Variants in TCF20 observed in about 807,000 individuals in gnomAD.
The protein encoded by TCF20 is transcription factor 20, also known as SPRE-binding protein.
In TCF20, 3 loss-of-function variants were observed where a neutral mutation model predicts 148.6. The ratio of observed to expected loss-of-function variants is 0.02; its 90% confidence interval spans 0.01 to 0.05. The LOEUF is 0.05. TCF20 is among the 10% of genes least tolerant of loss of function. TCF20 has a pLI of 1.00. For synonymous variants in TCF20, 1,049 were observed against 909.5 expected (o/e 1.15, Z -2.76); for missense variants, 2,350 against 2,429.3 (o/e 0.97, Z 0.69).
chr22:42,282,791 G>A (rs1329450728), intron 1 of TCF20, among the ~76,000 whole-genome samples: 2 of 152,200 alleles, frequency 1.3e-5, no homozygotes, highest in Non-Finnish European at 2.9e-5. Context: ...TGCCTGGGAG[G>A]AGGGGGCCGG....
intron 1 of TCF20, among the ~76,000 whole-genome samples, chr22:42,282,566 G>A (rs1278105180): frequency 1.3e-5 from 2 of 152,216 alleles, no homozygotes; most frequent in South Asian, 2.1e-4. Context: ...TCCCAGCCTC[G>A]GTCCCAGGTT....
chr22:42,205,319 A>C (rs1294558466), intron 2 of TCF20, among the ~76,000 whole-genome samples: 1 of 152,222 alleles, frequency 6.6e-6, no homozygotes, highest in African/African-American at 2.4e-5. Context: ...GAAGGGAAGT[A>C]AACACCATTT....
chr22:42,304,671 A>G (rs1204271728), intron 1 of TCF20, among the ~76,000 whole-genome samples: 2 of 152,152 alleles, frequency 1.3e-5, no homozygotes, highest in Admixed American at 6.5e-5. Context: ...GAATCATGTA[A>G]TTCCATAGCT....
At chr22:42,184,853 T>C (rs1290018916) in intron 2 of TCF20, among the ~76,000 whole-genome samples, 1 of 152,236 alleles carries the variant, frequency 6.6e-6, no homozygotes, top group Non-Finnish European at 1.5e-5. Flanking sequence ...AAATAAATTA[T>C]AAAAGGTATT....
At chr22:42,315,399 G>A (rs1256520127) in intron 1 of TCF20, among the ~76,000 whole-genome samples, 1 of 152,234 alleles carries the variant, frequency 6.6e-6, no homozygotes, top group Admixed American at 6.5e-5. Flanking sequence ...AGGACAGGCA[G>A]CTTGAAGCTG....
At chr22:42,260,987 A>AAT (rs533469381) in intron 1 of TCF20, among the ~76,000 whole-genome samples, 111 of 152,294 alleles carry the variant, frequency 7.3e-4, no homozygotes, top group African/African-American at 2.6e-3. Context: ...CTATACTCTA[A>AAT]AAAGTTCCCT....
At chr22:42,199,706 CAAAAAAAAAAAAAAAAAA>C (rs59845847) in intron 2 of TCF20, among the ~76,000 whole-genome samples, 1 of 33,872 alleles carries the variant, frequency 3.0e-5, no homozygotes, top group African/African-American at 1.0e-4. Context: ...CCCATCTCTA[CAAAAAAAAAAAAAAAAAA>C]AAAAAAAAAA....
At chr22:42,242,218 A>C (rs12168087) in intron 1 of TCF20, among the ~76,000 whole-genome samples, 59 of 142,676 alleles carry the variant, frequency 4.1e-4, no homozygotes, top group Middle Eastern at 7.2e-3. Flanking sequence ...AAAAAAAAAA[A>C]AAAAAAAAAC....
chr22:42,219,741 A>G (rs1320485708), intron 1 of TCF20, among the ~76,000 whole-genome samples: 5 of 152,104 alleles, frequency 3.3e-5, no homozygotes, highest in African/African-American at 1.2e-4. Flanking sequence ...CTGTAGTCCC[A>G]GCACCTCGGG....
Position 42,329,884 on chromosome 22 carries a change from C to G in TCF20, c.-37+13595G>C, listed in dbSNP as rs1408314110. 2.0e-5 allele frequency among the ~76,000 whole-genome samples: 3 copies of G among 152,090 alleles called. No individual in the cohort carries two copies. In the South Asian group the frequency reaches 6.2e-4, roughly 31 times the overall value. On this transcript the variant is annotated intron_variant, in intron 1 of 1. Transcript: ENST00000515426. ...GTGTGGCCCCCGAAATGGCTGTGGG[C>G]TCAGTGGGAGGTGGAGGGAGTATGA...
intron 1 of TCF20, among the ~76,000 whole-genome samples, chr22:42,266,927 G>A (rs569445492): frequency 2.6e-5 from 4 of 152,162 alleles, no homozygotes; most frequent in African/African-American, 7.2e-5. Context: ...TTTTTCCCTT[G>A]TAAGTTTTAT....
chr22:42,186,383 C>A (rs148899587), intron 2 of TCF20, among the ~76,000 whole-genome samples: 1 of 152,208 alleles, frequency 6.6e-6, no homozygotes, highest in African/African-American at 2.4e-5. Flanking sequence ...AAGTGTTTTA[C>A]AAACTAGAAA....
chr22:42,246,899 G>T lies in TCF20; in HGVS notation c.-37+23440C>A, dbSNP rs199558978. On this transcript the variant is annotated intron_variant, in intron 1 of 5. Coordinates refer to ENST00000677622, the MANE Select transcript of TCF20 (RefSeq NM_001378418.1). ...GAGAACTGCTTGAACCTGGGAAGCA[G>T]GGGTTGCAGTGAGCCGAGATTGCGC... Among the ~76,000 whole-genome samples, 32 of 151,700 alleles carry T rather than the reference G, an allele frequency of 2.1e-4. No individual in the cohort carries two copies. In the East Asian group the frequency reaches 5.2e-3, roughly 25 times the overall value.
At chr22:42,182,573 A>G (rs1936832489) in intron 2 of TCF20, among the ~76,000 whole-genome samples, 1 of 152,180 alleles carries the variant, frequency 6.6e-6, no homozygotes, top group African/African-American at 2.4e-5. Flanking sequence ...AAACTCCACT[A>G]TGATTAATTT....
intron 1 of TCF20, among the ~76,000 whole-genome samples, chr22:42,322,840 C>T (rs1038805155): frequency 2.7e-5 from 4 of 150,732 alleles, no homozygotes; most frequent in Admixed American, 1.3e-4. Flanking sequence ...TGGGGAGGCT[C>T]GCCATCCCCA....
rs529961537 is a variant in TCF20, at chr22:42,261,771, A to G, written c.-37+8568T>C. On this transcript the variant is annotated intron_variant, in intron 1 of 5. Coordinates refer to ENST00000677622, the MANE Select transcript of TCF20 (RefSeq NM_001378418.1). The stretch of plus-strand genomic sequence containing the variant: ...CACTTTGGGAGGCCGAGGTGGGCAG[A>G]TCACGAGGTCAGGAGTTCAAGACCA... Among the ~76,000 whole-genome samples the G allele has an allele frequency of 5.1e-4, 77 of 152,334 alleles. 1 individual carries two copies. The highest frequency in any genetic ancestry group is 5.1e-4 in the Non-Finnish European group (35 of 68,028).
At position 42,212,883 on chromosome 22, in the gene TCF20, A is replaced by G. The variant is rs764580402; in HGVS notation, c.2423T>C (p.Ile808Thr). The change falls in exon 2 of 6, where the codon ATT becomes ACT. Residue 808 changes from isoleucine to threonine, a missense_variant. Coordinates refer to ENST00000677622, the MANE Select transcript of TCF20 (RefSeq NM_001378418.1). ...GTGGGGATTTTCTAATAGAGACCCAATGCTTTTGTTCAGAAGGCCCCTGCT... is the reference window on the plus strand; with the variant it reads ...GTGGGGATTTTCTAATAGAGACCCAGTGCTTTTGTTCAGAAGGCCCCTGCT... ...LASRGLLNKS[I>T]GSLLENPHWG... 1.2e-6 allele frequency: 2 copies of G among 1,614,158 alleles called. No individual in the cohort carries two copies. Among genetic ancestry groups the G allele is most frequent in the Non-Finnish European group, 8.5e-7 (1 of 1,180,030 alleles).
In TCF20 at chr22:42,167,264, T is replaced by C. The variant is rs370897609; in HGVS notation, c.*44+1345A>G. ...AAGAAGGCACTCAGCAGCCCCCACT[T>C]GACTTCTCAAATGGCGTGGCAGCCG... On this transcript the variant is annotated intron_variant, in intron 5 of 5. Transcript: ENST00000677622. 4.1e-3 allele frequency among the ~76,000 whole-genome samples: 628 copies of C among 152,290 alleles called. 5 individuals are homozygous for C. The highest frequency in any genetic ancestry group is 0.015 in the African/African-American group (607 of 41,570).
intron 1 of TCF20, among the ~76,000 whole-genome samples, chr22:42,243,292 C>CAAAAAAAAAAAAAAAAAAAAAAAAA (rs3045578): frequency 7.6e-5 from 3 of 39,502 alleles, no homozygotes; most frequent in African/African-American, 1.7e-4. Context: ...GACACTGTCT[C>CAAAAAAAAAAAAAAAAAAAAAAAAA]AAAAAAAAAA....
Sources: allele counts gnomAD v4.1 joint callset (sites outside exome capture counted in the v4.1 genomes callset), GRCh38; gene constraint gnomAD v4.1.1; transcripts MANE v1.5; gene names NCBI Gene and HGNC (gene_info 2026-07-23, HGNC 2026-07-21).